The following RIC1 variants were observed in gnomAD, a reference collection of about 807,000 sequenced individuals.
RIC1 encodes the protein RIC1 partner of RAB6A GEF complex, also known as guanine nucleotide exchange factor subunit RIC1.
In RIC1, 88 loss-of-function variants were observed where a neutral mutation model predicts 169.0. The ratio of observed to expected loss-of-function variants is 0.52; its 90% confidence interval spans 0.44 to 0.62. The LOEUF (loss-of-function observed/expected upper bound fraction) is 0.62, where lower values mean the gene tolerates loss of function less well. RIC1 is among the 20% of genes least tolerant of loss of function. The pLI is 0.00. For synonymous variants in RIC1, 790 were observed against 601.5 expected (o/e 1.31, Z -4.59); for missense variants, 1,877 against 1,725.5 (o/e 1.09, Z -1.56).
At chr9:5,699,453 A>G (rs1586971994) in intron 3 of RIC1, among the ~76,000 whole-genome samples, 1 of 150,490 alleles carries the variant, frequency 6.6e-6, no homozygotes, top group African/African-American at 2.4e-5. Context: ...GTTTTTATTC[A>G]TCTTTCTTAA....
chr9:5,764,480 C>T (rs1826557487), intron 19 of RIC1, among the ~76,000 whole-genome samples: 1 of 152,192 alleles, frequency 6.6e-6, no homozygotes, highest in African/African-American at 2.4e-5. Flanking sequence ...GACAAAAGGG[C>T]TTGACAGTTG....
At chr9:5,666,498 T>A (rs564168363) in intron 2 of RIC1, among the ~76,000 whole-genome samples, 1 of 152,334 alleles carries the variant, frequency 6.6e-6, no homozygotes, top group South Asian at 2.1e-4. Context: ...TCTGTCACCA[T>A]TGAGTATAAT....
intron 6 of RIC1, among the ~76,000 whole-genome samples, chr9:5,731,419 A>G (rs1412610479): frequency 6.6e-6 from 1 of 152,200 alleles, no homozygotes; most frequent in Non-Finnish European, 1.5e-5. Context: ...AGTAGATTAT[A>G]TAGCTGATTG....
rs1341256560 is a variant in RIC1 at position 5,763,339 on chromosome 9, C to T, written c.2312C>T (p.Pro771Leu). ...TTCTTGTCCCAGCGGATCATGCTGC[C>T]TTTCCACATCAACATTTACCCGCTA... ...HSFLSQRIML[P>L]FHINIYPLAV... is the part of the protein sequence containing the mutation. The change falls in exon 19 of 26, where the codon CCT becomes CTT. Residue 771 changes from proline to leucine, a missense_variant. Pro to Leu is a moderately conservative substitution (Grantham distance 98). Coordinates refer to ENST00000414202, the MANE Select transcript of RIC1 (RefSeq NM_020829.4). The surrounding 1 kb of genome is among the most constrained non-coding windows in gnomAD (Gnocchi z 5.2). 1.2e-6 allele frequency: 2 copies of T among 1,614,088 alleles called. No individual in the cohort carries two copies. Among genetic ancestry groups the T allele is most frequent in the Admixed American group, 1.7e-5 (1 of 60,000 alleles).
intron 2 of RIC1, among the ~76,000 whole-genome samples, chr9:5,666,749 G>A (rs541483847): frequency 6.6e-6 from 1 of 152,244 alleles, no homozygotes; most frequent in South Asian, 2.1e-4. Context: ...CACGATGTAT[G>A]AAGTATTTGC....
intron 2 of RIC1, among the ~76,000 whole-genome samples, chr9:5,681,126 G>A (rs567848553): frequency 6.6e-5 from 10 of 152,108 alleles, no homozygotes; most frequent in East Asian, 5.8e-4. Context: ...GCGCCCGGCC[G>A]ATTTTTTTTA....
At chr9:5,659,727 G>A (rs1054819706) in intron 2 of RIC1, among the ~76,000 whole-genome samples, 14 of 152,068 alleles carry the variant, frequency 9.2e-5, no homozygotes, top group Non-Finnish European at 5.9e-5. Flanking sequence ...TCTTTTTCCT[G>A]CTTCATTAAA....
At chr9:5,743,061 C>T (rs1825173313) in intron 9 of RIC1, 48 bp downstream of exon 9, 1 of 1,550,040 alleles carries the variant, frequency 6.5e-7, no homozygotes, top group Middle Eastern at 1.7e-4. Flanking sequence ...CATTATTTCT[C>T]ACAATGCATG....
At chr9:5,711,224 C>A (rs1822910012) in intron 3 of RIC1, among the ~76,000 whole-genome samples, 1 of 152,156 alleles carries the variant, frequency 6.6e-6, no homozygotes, top group African/African-American at 2.4e-5. Flanking sequence ...CACAGCCACA[C>A]TTGAGAATCT....
At chr9:5,641,896 A>G (rs1437779595) in intron 1 of RIC1, among the ~76,000 whole-genome samples, 1 of 144,022 alleles carries the variant, frequency 6.9e-6, no homozygotes, top group Non-Finnish European at 1.5e-5. Context: ...TCACATATCT[A>G]TCTCTGTTTT....
intron 8 of RIC1, among the ~76,000 whole-genome samples, chr9:5,739,987 T>C (rs995321163): frequency 2.0e-5 from 3 of 152,198 alleles, no homozygotes; most frequent in African/African-American, 4.8e-5. Flanking sequence ...ATTTTAGCTC[T>C]TTCTCTATAG....
intron 6 of RIC1, among the ~76,000 whole-genome samples, 192 bp downstream of exon 6, chr9:5,720,942 G>A (rs556173582): frequency 3.5e-4 from 54 of 152,244 alleles, no homozygotes; most frequent in African/African-American, 1.2e-3. Flanking sequence ...AATGATTCCT[G>A]TTCTCCTCCC....
In RIC1 at chr9:5,743,719, C is replaced by T; in HGVS notation, c.1077C>T (p.Pro359=). ...GGTCTGATGGCACCAAAAAAGATCC[C>T]CTTAAGATCAACTCTATGGTAAGTA... ...AYRSDGTKKD[P]LKINSMSWGA... The change falls in exon 10 of 26, where the codon CCC becomes CCT. Residue 359 remains proline (P), a synonymous_variant. Transcript: ENST00000414202. 1 of 1,610,126 alleles carries T rather than the reference C, an allele frequency of 6.2e-7. No individual in the cohort carries two copies. Among genetic ancestry groups the T allele is most frequent in the Non-Finnish European group, 8.5e-7 (1 of 1,177,252 alleles).
At chr9:5,663,614 G>C (rs1819584872) in intron 2 of RIC1, among the ~76,000 whole-genome samples, 1 of 152,126 alleles carries the variant, frequency 6.6e-6, no homozygotes, top group South Asian at 2.1e-4. Context: ...TCTGTTTTGT[G>C]AGAAACTAGG....
intron 1 of RIC1, among the ~76,000 whole-genome samples, chr9:5,656,009 A>G (rs893430441): frequency 3.3e-5 from 5 of 152,086 alleles, no homozygotes; most frequent in African/African-American, 7.2e-5. Flanking sequence ...AGCTGGGACT[A>G]CAGGCGCCTG....
intron 19 of RIC1, chr9:5,765,094 T>G (rs561402434): frequency 4.6e-5 from 9 of 194,332 alleles, no homozygotes; most frequent in African/African-American, 1.9e-4. Flanking sequence ...CTTCAACAAT[T>G]TACTTAACTC....
intron 2 of RIC1, among the ~76,000 whole-genome samples, chr9:5,678,019 C>A (rs1586928791): frequency 6.6e-6 from 1 of 151,738 alleles, no homozygotes; most frequent in South Asian, 2.1e-4. Flanking sequence ...CACAACAGTC[C>A]CCAGTGTGTG....
At chr9:5,653,876 A>G (rs1226040056) in intron 1 of RIC1, among the ~76,000 whole-genome samples, 1 of 152,124 alleles carries the variant, frequency 6.6e-6, no homozygotes, top group Non-Finnish European at 1.5e-5. Flanking sequence ...GATTACAGGC[A>G]TGCACAACCA....
At chr9:5,769,971 T>C (rs1586730390) in intron 22 of RIC1, 116 bp from the exon 23 acceptor site, 2 of 886,376 alleles carry the variant, frequency 2.3e-6, no homozygotes, top group East Asian at 5.3e-5. Flanking sequence ...TAATTGCCTT[T>C]GAACTGTTCT....
Sources: allele counts gnomAD v4.1 joint callset (sites outside exome capture counted in the v4.1 genomes callset), GRCh38; gene constraint gnomAD v4.1.1; non-coding constraint Gnocchi (gnomAD v3.1); transcripts MANE v1.5; gene names NCBI Gene and HGNC (gene_info 2026-07-23, HGNC 2026-07-21).